Variants in SOX6 observed in about 807,000 individuals in gnomAD.
The protein encoded by SOX6 is transcription factor SOX-6.
SOX6 carries 11 observed loss-of-function variants against 97.8 expected under a neutral mutation model. The ratio of observed to expected loss-of-function variants is 0.11; its 90% CI spans 0.07 to 0.19. The LOEUF (loss-of-function observed/expected upper bound fraction) is 0.19, where lower values mean the gene tolerates loss of function less well. Ranked by LOEUF, SOX6 falls within the 10% of genes least tolerant of loss-of-function variation. The pLI is 1.00. For missense variants in SOX6, 810 were observed against 1,039.5 expected, an observed-to-expected ratio of 0.78 and a Z score of 3.04; for synonymous variants, 360 against 371.4, an observed-to-expected ratio of 0.97 and a Z score of 0.35.
intron 3 of SOX6, among the ~76,000 whole-genome samples, chr11:16,701,621 G>A (rs1848094181): frequency 1.3e-5 from 2 of 151,978 alleles, no homozygotes; most frequent in South Asian, 4.2e-4. Flanking sequence ...ACTTTGGGAG[G>A]CCGAGGCAGG....
chr11:15,994,752 C>T lies in SOX6; in HGVS notation c.1733-5522G>A, dbSNP rs183766553. Among the ~76,000 whole-genome samples, 4 of 152,036 alleles carry T rather than the reference C, an allele frequency of 2.6e-5. 1 individual carries two copies. The highest frequency in any genetic ancestry group is 2.0e-4 in the Admixed American group (3 of 15,266). ...TAATGTGATACATGCAAAATATTGGCGCAAAAGGTTCTATTATAAAATCAA... is the reference window on the plus strand; with the variant it reads ...TAATGTGATACATGCAAAATATTGGTGCAAAAGGTTCTATTATAAAATCAA... On this transcript the variant is annotated intron_variant, in intron 13 of 15. Coordinates refer to ENST00000683767, the MANE Select transcript of SOX6 (RefSeq NM_001367873.1).
chr11:16,235,377 A>G (rs1357408026), intron 3 of SOX6, among the ~76,000 whole-genome samples: 1 of 152,074 alleles, frequency 6.6e-6, no homozygotes, highest in Non-Finnish European at 1.5e-5. Context: ...AAGATTCATA[A>G]AGACTACAGA....
At chr11:16,594,748 T>C (rs2133974381) in intron 4 of SOX6, among the ~76,000 whole-genome samples, 1 of 128,654 alleles carries the variant, frequency 7.8e-6, no homozygotes, top group East Asian at 2.8e-4. Context: ...TGTAGTGCAG[T>C]GGCGTGATCT....
At chr11:16,121,126 TATCTC>T (rs1849479930) in intron 6 of SOX6, among the ~76,000 whole-genome samples, 1 of 152,128 alleles carries the variant, frequency 6.6e-6, no homozygotes, top group African/African-American at 2.4e-5. Flanking sequence ...AATGGACAAA[TATCTC>T]ATTAATCTAC....
At chr11:16,528,860 C>A (rs555139911) in intron 4 of SOX6, among the ~76,000 whole-genome samples, 1 of 152,142 alleles carries the variant, frequency 6.6e-6, no homozygotes, top group African/African-American at 2.4e-5. Flanking sequence ...AGGGTGTTTC[C>A]CTTTCCTTCA....
chr11:16,035,366 AAAT>A (rs1418524664), intron 12 of SOX6, among the ~76,000 whole-genome samples: 2 of 152,238 alleles, frequency 1.3e-5, no homozygotes, highest in Non-Finnish European at 2.9e-5. Context: ...TGTAGAAGAG[AAAT>A]AATAAAAATT....
At chr11:15,996,054 C>G (rs1854212391) in intron 13 of SOX6, among the ~76,000 whole-genome samples, 1 of 152,092 alleles carries the variant, frequency 6.6e-6, no homozygotes, top group African/African-American at 2.4e-5. Context: ...TGATTTGTGA[C>G]CATTTTTTCT....
At chr11:15,976,540 C>T (rs1017784489) in intron 15 of SOX6, among the ~76,000 whole-genome samples, 8 of 152,078 alleles carry the variant, frequency 5.3e-5, no homozygotes, top group African/African-American at 1.7e-4. Context: ...GGGGGAGCAC[C>T]AAGGAAATGA....
intron 9 of SOX6, among the ~76,000 whole-genome samples, chr11:16,058,645 G>T (rs1357503848): frequency 6.6e-6 from 1 of 152,052 alleles, no homozygotes; most frequent in African/African-American, 2.4e-5. Flanking sequence ...GCCTTGATTT[G>T]TGTATAGACT....
intron 6 of SOX6, among the ~76,000 whole-genome samples, chr11:16,162,706 C>A (rs1356757068): frequency 6.6e-6 from 1 of 152,142 alleles, no homozygotes; most frequent in Non-Finnish European, 1.5e-5. Flanking sequence ...TTATAAATTA[C>A]CCAGTCTCGA....
intron 1 of SOX6, among the ~76,000 whole-genome samples, chr11:16,386,348 G>A (rs564074799): frequency 7.3e-5 from 11 of 151,614 alleles, no homozygotes; most frequent in Non-Finnish European, 1.2e-4. Context: ...GGGGGCAGGT[G>A]GGGGGTGAAG....
At chr11:16,424,416 G>A (rs1321816423) in intron 1 of SOX6, among the ~76,000 whole-genome samples, 1 of 152,072 alleles carries the variant, frequency 6.6e-6, no homozygotes, top group East Asian at 1.9e-4. Context: ...AACAAACTGA[G>A]ACTCAAAAAA....
intron 1 of SOX6, among the ~76,000 whole-genome samples, chr11:16,454,185 A>G (rs879539007): frequency 2.2e-4 from 34 of 152,100 alleles, no homozygotes; most frequent in Non-Finnish European, 4.6e-4. Flanking sequence ...CAGGAGTACG[A>G]TTATTTTTTA....
chr11:16,328,688 A>C (rs1856182671), intron 2 of SOX6, among the ~76,000 whole-genome samples: 3 of 152,192 alleles, frequency 2.0e-5, no homozygotes. Flanking sequence ...TGAACAAAAA[A>C]CTACTTGCCA....
At chr11:15,988,938 G>T in intron 14 of SOX6, 59 bp downstream of exon 14, 1 of 1,508,504 alleles carries the variant, frequency 6.6e-7, no homozygotes, top group South Asian at 1.1e-5. Flanking sequence ...TCCCACCCTG[G>T]TGGCACTCAT....
At chr11:16,714,586 G>T (rs1033287297) in intron 3 of SOX6, among the ~76,000 whole-genome samples, 1 of 151,692 alleles carries the variant, frequency 6.6e-6, no homozygotes, top group Non-Finnish European at 1.5e-5. Context: ...CGAATAGCTG[G>T]GACTACAGGC....
At chr11:15,974,673 A>G (rs1038254655) in intron 15 of SOX6, among the ~76,000 whole-genome samples, 4 of 151,928 alleles carry the variant, frequency 2.6e-5, no homozygotes, top group African/African-American at 7.3e-5. Flanking sequence ...CCAGAGGAAC[A>G]TAATTTTCTC....
chr11:16,563,320 G>A (rs748134937), intron 4 of SOX6, among the ~76,000 whole-genome samples: 11 of 152,056 alleles, frequency 7.2e-5, no homozygotes, highest in East Asian at 1.9e-4. Context: ...TGGTGCATGC[G>A]TTTAGTTCTA....
intron 4 of SOX6, among the ~76,000 whole-genome samples, chr11:16,566,536 G>T (rs965332370): frequency 7.2e-5 from 11 of 152,202 alleles, no homozygotes; most frequent in African/African-American, 2.4e-4. Context: ...TAAGCCTATT[G>T]TATCTCATCT....
Sources: allele counts gnomAD v4.1 joint callset (sites outside exome capture counted in the v4.1 genomes callset), GRCh38; gene constraint gnomAD v4.1.1; transcripts MANE v1.5; gene names NCBI Gene and HGNC (gene_info 2026-07-23, HGNC 2026-07-21).